ANO6: variants seen among roughly 807,000 people sequenced by gnomAD.
ANO6 encodes the protein anoctamin 6.
In ANO6, 106 loss-of-function variants were observed where a neutral mutation model predicts 117.5. The observed-to-expected ratio is 0.90, with a 90% confidence interval of 0.77 to 1.06. ANO6 has a LOEUF of 1.06. ANO6 is among the 50% of genes least tolerant of loss of function. The pLI, the probability that ANO6 is intolerant of heterozygous loss-of-function variation, is 0.00. For missense variants in ANO6, 955 were observed against 1,121.1 expected, an observed-to-expected ratio of 0.85 and a Z score of 2.12; for synonymous variants, 367 against 385.1, an observed-to-expected ratio of 0.95 and a Z score of 0.55.
Position 45,399,977 on chromosome 12 carries a change from T to C in ANO6, c.1387-1818T>C, listed in dbSNP as rs533473229. On this transcript the variant is annotated intron_variant, in intron 12 of 19. Coordinates refer to ENST00000320560, the MANE Select transcript of ANO6 (RefSeq NM_001025356.3). ...AAGCACCCCAAAGAAATATGGGAAC[T>C]TAACAAGTTTGTAAAAGCTCTGGGA... 7.5e-4 allele frequency among the ~76,000 whole-genome samples: 114 copies of C among 152,340 alleles called. 3 individuals carry two copies. The South Asian group carries it at 0.022, about 30-fold the overall frequency.
intron 19 of ANO6, among the ~76,000 whole-genome samples, chr12:45,425,872 G>T (rs962848777): frequency 6.6e-5 from 10 of 152,220 alleles, no homozygotes; most frequent in African/African-American, 2.2e-4. Flanking sequence ...TTTCTAAGAT[G>T]TGTAAAGTGA....
intron 17 of ANO6, among the ~76,000 whole-genome samples, chr12:45,420,437 A>G (rs949344591): frequency 1.3e-5 from 2 of 152,030 alleles, no homozygotes; most frequent in South Asian, 4.1e-4. Context: ...ACAACATAGT[A>G]AGACCCTATC....
At chr12:45,250,293 G>A (rs958553938) in intron 1 of ANO6, among the ~76,000 whole-genome samples, 1 of 152,182 alleles carries the variant, frequency 6.6e-6, no homozygotes, top group African/African-American at 2.4e-5. Context: ...TGGATCAGAA[G>A]TTTTATTCCA....
Position 45,306,723 on chromosome 12 carries a change from G to GA in ANO6, c.150+4640dup, listed in dbSNP as rs540010771. Among the ~76,000 whole-genome samples, 393 of 149,316 alleles carry GA rather than the reference G, an allele frequency of 2.6e-3. 2 individuals carry two copies. The highest frequency in any genetic ancestry group is 0.011 in the South Asian group (54 of 4,712). On this transcript the variant is annotated intron_variant, in intron 2 of 19. Coordinates refer to ENST00000320560, the MANE Select transcript of ANO6 (RefSeq NM_001025356.3). ...TCTACTATTTTAGGTGAAGAAACAG[G>GA]AAAAAAAAAATCCCTGCACTTGTGA...
At chr12:45,424,396 T>G (rs888838444) in intron 19 of ANO6, among the ~76,000 whole-genome samples, 1 of 141,824 alleles carries the variant, frequency 7.1e-6, no homozygotes, top group African/African-American at 2.6e-5. Flanking sequence ...TGGAGTATGA[T>G]GCCATGATCT....
intron 9 of ANO6, among the ~76,000 whole-genome samples, chr12:45,375,866 A>C (rs1475456064): frequency 6.7e-5 from 10 of 148,960 alleles, no homozygotes; most frequent in African/African-American, 2.0e-4. Flanking sequence ...GGATCTAATT[A>C]AACTAAAGGG....
intron 8 of ANO6, among the ~76,000 whole-genome samples, chr12:45,358,919 G>C (rs1012721973): frequency 6.6e-6 from 1 of 151,900 alleles, no homozygotes; most frequent in Non-Finnish European, 1.5e-5. Flanking sequence ...TGAGTAGCTG[G>C]GATTACAGGC....
rs573028866 is a variant in ANO6 at position 45,320,308 on chromosome 12, G to T, written c.151-10987G>T. 1.6e-4 allele frequency among the ~76,000 whole-genome samples: 24 copies of T among 151,846 alleles called. No homozygotes were observed. In the South Asian group the frequency reaches 3.4e-3, roughly 21 times the overall value. On this transcript the variant is annotated intron_variant, in intron 2 of 19. Coordinates refer to ENST00000320560, the MANE Select transcript of ANO6 (RefSeq NM_001025356.3). ...GCTTTAAATGTGTCCCAGAGATTCT[G>T]GTATGTTGTGTCTTTTTTCTCGTTG...
chr12:45,225,441 T>C (rs1320008459), intron 1 of ANO6, among the ~76,000 whole-genome samples: 3 of 152,170 alleles, frequency 2.0e-5, no homozygotes, highest in Non-Finnish European at 4.4e-5. Context: ...AATATCGTAA[T>C]GTTTTTCACA....
Position 45,313,706 on chromosome 12 carries a change from C to G in ANO6, c.150+11613C>G, listed in dbSNP as rs144335411. ...ACAGTTACAGACACTTAAGTACCTACCAAATTATCAAGAGGTTGAGAGTTA... is the reference window on the plus strand; with the variant it reads ...ACAGTTACAGACACTTAAGTACCTAGCAAATTATCAAGAGGTTGAGAGTTA... On this transcript the variant is annotated intron_variant, in intron 2 of 19. Transcript: ENST00000320560. 1.7e-3 allele frequency among the ~76,000 whole-genome samples: 257 copies of G among 152,100 alleles called. 1 individual carries two copies. Among genetic ancestry groups the G allele is most frequent in the Non-Finnish European group, 2.6e-3 (180 of 67,968 alleles).
intron 1 of ANO6, among the ~76,000 whole-genome samples, chr12:45,252,231 A>T (rs570194258): frequency 6.6e-6 from 1 of 152,338 alleles, no homozygotes; most frequent in Admixed American, 6.5e-5. Flanking sequence ...AAAATTTAGC[A>T]GTTGGAAAAT....
chr12:45,283,694 T>A (rs1324698008), intron 1 of ANO6, among the ~76,000 whole-genome samples: 1 of 152,218 alleles, frequency 6.6e-6, no homozygotes. Flanking sequence ...TCTTACTTAG[T>A]GAACCCAGTA....
intron 15 of ANO6, among the ~76,000 whole-genome samples, chr12:45,406,188 G>A (rs1418702905): frequency 6.6e-6 from 1 of 152,236 alleles, no homozygotes; most frequent in African/African-American, 2.4e-5. Flanking sequence ...CCCAGTACCT[G>A]GCATATGACA....
intron 7 of ANO6, among the ~76,000 whole-genome samples, chr12:45,354,919 G>A (rs1053304370): frequency 2.0e-5 from 3 of 152,188 alleles, no homozygotes; most frequent in Non-Finnish European, 4.4e-5. Context: ...GGAGTTGAAA[G>A]AGAGCTTAAT....
intron 19 of ANO6, among the ~76,000 whole-genome samples, chr12:45,425,236 T>C (rs1294007434): frequency 1.3e-5 from 2 of 152,188 alleles, no homozygotes; most frequent in East Asian, 1.9e-4. Context: ...AATTTGTGAA[T>C]TGGAAGATAG....
At chr12:45,281,221 A>C (rs1194181515) in intron 1 of ANO6, among the ~76,000 whole-genome samples, 1 of 152,232 alleles carries the variant, frequency 6.6e-6, no homozygotes, top group African/African-American at 2.4e-5. Context: ...GATTCTGGCT[A>C]ACTACTGAGG....
downstream of ANO6, among the ~76,000 whole-genome samples, chr12:45,432,977 A>G (rs943476906): frequency 6.6e-6 from 1 of 152,210 alleles, no homozygotes; most frequent in Non-Finnish European, 1.5e-5. Flanking sequence ...GGTTATACTA[A>G]CAAAGTCAGA....
intron 1 of ANO6, among the ~76,000 whole-genome samples, chr12:45,239,564 T>C (rs1947704893): frequency 6.6e-6 from 1 of 152,186 alleles, no homozygotes; most frequent in South Asian, 2.1e-4. Flanking sequence ...TGCTCTGATC[T>C]TAGTTATTTC....
intron 1 of ANO6, among the ~76,000 whole-genome samples, chr12:45,243,050 C>T (rs1029911184): frequency 6.6e-6 from 1 of 152,162 alleles, no homozygotes; most frequent in Non-Finnish European, 1.5e-5. Context: ...CACAGTGGCT[C>T]ACACCTTTAA....
Sources: gnomAD v4.1 joint callset for allele counts (sites outside exome capture counted in the v4.1 genomes callset) on GRCh38, gnomAD v4.1.1 for gene constraint, MANE v1.5 for transcripts, NCBI Gene and HGNC (gene_info 2026-07-23, HGNC 2026-07-21) for gene names.